The following POU5F1 variants were observed in gnomAD, a reference collection of about 807,000 sequenced individuals.
POU5F1 encodes the protein POU domain, class 5, transcription factor 1.
A neutral mutation model predicts 38.3 loss-of-function variants in POU5F1; 6 were observed. The ratio of observed to expected loss-of-function variants is 0.16; its 90% confidence interval spans 0.09 to 0.31. The LOEUF (loss-of-function observed/expected upper bound fraction) is 0.31. Among genes scored for constraint, POU5F1 ranks in the 10% least tolerant of loss-of-function variants. The pLI is 1.00. For synonymous variants in POU5F1, 147 were observed against 194.9 expected (o/e 0.75, Z 2.05); for missense variants, 286 against 462.6 (o/e 0.62, Z 3.50).
chr6:31,170,649 C>T lies in POU5F1; in HGVS notation c.-29G>A. 1.3e-6 allele frequency: 2 copies of T among 1,531,856 alleles called. No homozygotes were observed. The highest frequency in any genetic ancestry group is 1.8e-6 in the Non-Finnish European group (2 of 1,138,216). The allele number at this position is 1,531,856 out of a possible 1,614,324, so 94.9% of individuals were successfully genotyped here. A position where few individuals can be genotyped will look rare whatever the true frequency, so the allele number is the denominator to read the frequency against. On this transcript the variant is annotated 5_prime_UTR_variant, in exon 1 of 5. Transcript: ENST00000259915. ...GAAGGAAGGCGCCCCAAGCCGGGGGCCTGGTGAAATGAGGGCTTGCGAAGG... is the reference window on the plus strand; with the variant it reads ...GAAGGAAGGCGCCCCAAGCCGGGGGTCTGGTGAAATGAGGGCTTGCGAAGG...
At chr6:31,167,082 C>CTGACATCCAGCATGACAGAAGTGCTATT (rs1777326521) in intron 1 of POU5F1, 32 of 518,702 alleles carry the variant, frequency 6.2e-5, no homozygotes, top group Non-Finnish European at 1.2e-4. Flanking sequence ...ACAAAGAGCC[C>CTGACATCCAGCATGACAGAAGTGCTATT]TGACATCCAG....
chr6:31,170,278 A>T lies in POU5F1; in HGVS notation c.343T>A (p.Cys115Ser), dbSNP rs771043396. 12 of 1,612,756 alleles carry T rather than the reference A, an allele frequency of 7.4e-6. No homozygotes were observed. The highest frequency in any genetic ancestry group is 9.3e-6 in the Non-Finnish European group (11 of 1,179,842). ...SNSDGASPEP[C>S]TVTPGAVKLE... ...TTCACGGCACCAGGGGTGACGGTGCAGGGCTCCGGGGAGGCCCCATCGGAG... is the reference window on the plus strand; with the variant it reads ...TTCACGGCACCAGGGGTGACGGTGCTGGGCTCCGGGGAGGCCCCATCGGAG... Residue 115 changes from cysteine (C) to serine (S), a missense_variant, in exon 1 of 5, where the codon TGC (cysteine) becomes AGC (serine). By Grantham distance (112) the Cys-to-Ser change is moderately radical. This residue lies in a region of POU5F1 where 176 missense variants were observed against 184.8 expected (regional missense o/e 0.95). Coordinates refer to ENST00000259915, the MANE Select transcript of POU5F1 (RefSeq NM_002701.6).
At position 31,166,025 on chromosome 6, in the gene POU5F1, T is replaced by C; in HGVS notation, c.428A>G (p.Gln143Arg). ...PEESQDIKAL[Q>R]KELEQFAKLL... Reference sequence around the variant, plus strand: ...CTTGGCAAATTGCTCGAGTTCTTTCTGCAGAGCTTTGATGTCCTGGGACTG... The same window carrying C: ...CTTGGCAAATTGCTCGAGTTCTTTCCGCAGAGCTTTGATGTCCTGGGACTG... The change falls in exon 2 of 5, where the codon CAG becomes CGG. Residue 143 changes from glutamine to arginine, a missense_variant. This residue lies in a region of POU5F1 where 110 missense variants were observed against 277.8 expected (regional missense o/e 0.40). Coordinates refer to ENST00000259915, the MANE Select transcript of POU5F1 (RefSeq NM_002701.6). The C allele has an allele frequency of 6.2e-7, 1 of 1,614,250 alleles. No homozygotes were observed. Among genetic ancestry groups the C allele is most frequent in the Non-Finnish European group, 8.5e-7 (1 of 1,180,044 alleles).
chr6:31,170,317 C>T lies in POU5F1; in HGVS notation c.304G>A (p.Gly102Arg), dbSNP rs779696279. Residue 102 changes from glycine to arginine, a missense_variant, in exon 1 of 5, where the codon GGG (glycine) becomes AGG (arginine). Transcript: ENST00000259915. ...TSQPEGEAGV[G>R]VESNSDGASP... is the part of the protein sequence containing the mutation. ...GCCCCATCGGAGTTGCTCTCCACCC[C>T]GACTCCTGCTTCGCCCTCAGGCTGA... 3.0e-5 allele frequency: 49 copies of T among 1,612,646 alleles called. No homozygotes were observed. The African/African-American group carries it at 4.5e-4, about 15-fold the overall frequency.
Position 31,166,061 on chromosome 6 carries a change from G to A in POU5F1, c.406-14C>T. ...GATGTCCTGGGACTGGATTTTAAAA[G>A]GCAGAAGACTTGTAAGAACATAAAC... On this transcript the variant is annotated splice_polypyrimidine_tract_variant and intron_variant, in intron 1 of 4. Coordinates refer to ENST00000259915, the MANE Select transcript of POU5F1 (RefSeq NM_002701.6). 6.2e-7 allele frequency: 1 copy of A among 1,614,196 alleles called. No homozygotes were observed. Among genetic ancestry groups the A allele is most frequent in the Non-Finnish European group, 8.5e-7 (1 of 1,180,048 alleles).
rs1156917164 is a variant in POU5F1 at position 31,165,367 on chromosome 6, T to G, written c.658-81A>C. 6.4e-7 allele frequency: 1 copy of G among 1,572,418 alleles called. No individual in the cohort carries two copies. The highest frequency in any genetic ancestry group is 1.7e-4 in the Middle Eastern group (1 of 6,028). On this transcript the variant is annotated intron_variant, in intron 3 of 4. Transcript: ENST00000259915. The surrounding 1 kb of genome is among the most constrained non-coding windows in gnomAD (Gnocchi z 6.5). The stretch of plus-strand genomic sequence containing the variant: ...CATCACAGGGGTCTGTGACTAGATG[T>G]GTCAGCAGAGCCAGGTGGTGGTGTG...
Position 31,170,349 on chromosome 6 carries a change from T to C in POU5F1, c.272A>G (p.Glu91Gly). The change falls in exon 1 of 5, where the codon GAG becomes GGG. Residue 91 changes from glutamate (E) to glycine (G), a missense_variant. Transcript: ENST00000259915. ...TGCTTCGCCCTCAGGCTGAGAGGTC[T>C]CCAAGCCGCCTTGGGGCACTAGCCC... ...GVGLVPQGGLETSQPEGEAGV... is the reference protein window; with the variant it reads ...GVGLVPQGGLGTSQPEGEAGV... The C allele has an allele frequency of 6.2e-7, 1 of 1,612,718 alleles. No individual in the cohort carries two copies. Among genetic ancestry groups the C allele is most frequent in the East Asian group, 2.2e-5 (1 of 44,876 alleles).
At position 31,165,303 on chromosome 6, in the gene POU5F1, G is replaced by T. The variant is rs754948582; in HGVS notation, c.658-17C>A. On this transcript the variant is annotated splice_polypyrimidine_tract_variant and intron_variant, in intron 3 of 4. Coordinates refer to ENST00000259915, the MANE Select transcript of POU5F1 (RefSeq NM_002701.6). This position sits in a 1 kb window ranked among gnomAD's most constrained non-coding sequence, Gnocchi z 6.5. ...TTTGCATATCTGTGCAGGTGGGAAG[G>T]GGGTGACAAGGGCAAGCTTTGGACT... is the stretch of plus-strand genomic sequence containing the variant. The T allele has an allele frequency of 2.5e-6, 4 of 1,606,044 alleles. No homozygotes were observed. The highest frequency in any genetic ancestry group is 3.4e-6 in the Non-Finnish European group (4 of 1,176,242).
intron 1 of POU5F1, among the ~76,000 whole-genome samples, chr6:31,169,432 T>A (rs1004566652): frequency 6.6e-6 from 1 of 152,036 alleles, no homozygotes; most frequent in Admixed American, 6.6e-5. Flanking sequence ...CAGGGCTGGA[T>A]GCCTTCAATC....
rs1291455915 is a variant in POU5F1 at position 31,165,740 on chromosome 6, G to A, written c.527-39C>T. The A allele has an allele frequency of 2.5e-6, 4 of 1,585,980 alleles. No individual in the cohort carries two copies. ...GTCAAAAGAGAAGCAAAGTGAGGGA[G>A]CACGCAGGGCCCTTGTGACCCTGAG... On this transcript the variant is annotated intron_variant, in intron 2 of 4. Transcript: ENST00000259915. This position sits in a 1 kb window ranked among gnomAD's most constrained non-coding sequence, Gnocchi z 6.5.
rs1777149853 is a variant in POU5F1, at chr6:31,165,405, C to T, written c.658-119G>A. The T allele has an allele frequency of 3.8e-6, 6 of 1,560,822 alleles. No homozygotes were observed. Among genetic ancestry groups the T allele is most frequent in the Non-Finnish European group, 5.2e-6 (6 of 1,150,068 alleles). On this transcript the variant is annotated intron_variant, in intron 3 of 4. Transcript: ENST00000259915. The surrounding 1 kb of genome is among the most constrained non-coding windows in gnomAD (Gnocchi z 6.5). Reference sequence around the variant, plus strand: ...AGGTGGTGGTGTGAAAAGGCAGGATCCTGGAAGGGTTGGCTCTGGACCTTA... The same window carrying T: ...AGGTGGTGGTGTGAAAAGGCAGGATTCTGGAAGGGTTGGCTCTGGACCTTA...
In POU5F1 at chr6:31,170,642, C is replaced by T. The variant is rs774824120; in HGVS notation, c.-22G>A. 4.6e-6 allele frequency: 7 copies of T among 1,536,934 alleles called. No homozygotes were observed. Among genetic ancestry groups the T allele is most frequent in the Non-Finnish European group, 6.1e-6 (7 of 1,140,658 alleles). ...CCATGGGGAAGGAAGGCGCCCCAAG[C>T]CGGGGGCCTGGTGAAATGAGGGCTT... On this transcript the variant is annotated 5_prime_UTR_variant, in exon 1 of 5. Transcript: ENST00000259915.
At chr6:31,166,927 G>C in intron 1 of POU5F1, 1 of 1,225,080 alleles carries the variant, frequency 8.2e-7, no homozygotes, top group Non-Finnish European at 1.1e-6. Flanking sequence ...AATGGATAAA[G>C]TGCTTTGTGT....
Position 31,165,060 on chromosome 6 carries a change from C to G in POU5F1, c.816+68G>C, listed in dbSNP as rs1777113782. 1.3e-6 allele frequency: 2 copies of G among 1,571,276 alleles called. No homozygotes were observed. Among genetic ancestry groups the G allele is most frequent in the Non-Finnish European group, 1.7e-6 (2 of 1,159,058 alleles). On this transcript the variant is annotated intron_variant, in intron 4 of 4. Transcript: ENST00000259915. This position sits in a 1 kb window ranked among gnomAD's most constrained non-coding sequence, Gnocchi z 6.5. ...ACAGCCCTAGAGCAGTTGGAGGAGC[C>G]AGAGCTAGGGAAAGCGAGGTGGTGA...
chr6:31,165,835 G>A lies in POU5F1; in HGVS notation c.526+92C>T. On this transcript the variant is annotated intron_variant, in intron 2 of 4. Coordinates refer to ENST00000259915, the MANE Select transcript of POU5F1 (RefSeq NM_002701.6). The surrounding 1 kb of genome is among the most constrained non-coding windows in gnomAD (Gnocchi z 6.5). The stretch of plus-strand genomic sequence containing the variant: ...CTCCCTCTCCCTACTCCTCTTCATG[G>A]GTGAGGGTAGTCTGCCCCTGCCCCT... 1 of 1,503,424 alleles carries A rather than the reference G, an allele frequency of 6.7e-7. No homozygotes were observed. Among genetic ancestry groups the A allele is most frequent in the Non-Finnish European group, 8.9e-7 (1 of 1,128,686 alleles). 93.1% of individuals were successfully genotyped at this position (1,503,424 alleles called of 1,614,324 possible).
rs951425605 is a variant in POU5F1, at chr6:31,165,694, T to C, written c.534A>G (p.Val178=). 2 of 1,611,880 alleles carry C rather than the reference T, an allele frequency of 1.2e-6. No individual in the cohort carries two copies. The highest frequency in any genetic ancestry group is 1.7e-6 in the Non-Finnish European group (2 of 1,179,016). The stretch of plus-strand genomic sequence containing the variant: ...AGCGGCAGATGGTCGTTTGGCTGAA[T>C]ACCTTCCCTGGGGGAGGCCAGTCAA... ...GLTLGVLFGK[V]FSQTTICRFE... is the part of the protein sequence containing the mutation. The change falls in exon 3 of 5, where the codon GTA becomes GTG. Residue 178 remains valine (V), a synonymous_variant. Coordinates refer to ENST00000259915, the MANE Select transcript of POU5F1 (RefSeq NM_002701.6). This position sits in a 1 kb window ranked among gnomAD's most constrained non-coding sequence, Gnocchi z 6.5.
Position 31,164,553 on chromosome 6 carries a change from C to T in POU5F1, c.*48G>A, listed in dbSNP as rs1251306973. 2.5e-6 allele frequency: 4 copies of T among 1,582,872 alleles called. No individual in the cohort carries two copies. In the Admixed American group the frequency reaches 5.4e-5, roughly 21 times the overall value. ...GGCACAAACTCCAGGTTTTCTTTCC[C>T]TAGCTCCTCCCCTCCCCCTGTCCCC... On this transcript the variant is annotated 3_prime_UTR_variant, in exon 5 of 5. Transcript: ENST00000259915.
At chr6:31,166,080 C>T (rs759883550) in intron 1 of POU5F1, 33 bp from the exon 2 acceptor site, 11 of 1,614,116 alleles carry the variant, frequency 6.8e-6, no homozygotes, top group Non-Finnish European at 9.3e-6. Context: ...CTTGTAAGAA[C>T]ATAAACACAC....
intron 1 of POU5F1, chr6:31,169,998 G>T: frequency 1.4e-6 from 1 of 710,034 alleles, no homozygotes; most frequent in Non-Finnish European, 2.3e-6. Flanking sequence ...GCCCTCACCG[G>T]CAGTTGTCTC....
Sources: gnomAD v4.1 joint callset for allele counts (sites outside exome capture counted in the v4.1 genomes callset) on GRCh38, gnomAD v4.1.1 for gene constraint, gnomAD v4.1.1 regional missense constraint, Gnocchi (gnomAD v3.1) non-coding constraint, MANE v1.5 for transcripts, NCBI Gene and HGNC (gene_info 2026-07-23, HGNC 2026-07-21) for gene names.